The following RASEF variants were observed in gnomAD, a reference collection of about 807,000 sequenced individuals.
RASEF encodes the protein RAS and EF-hand domain containing, also known as ras and EF-hand domain-containing protein.
In RASEF, 68 loss-of-function variants were observed where a neutral mutation model predicts 90.1. The observed-to-expected ratio is 0.75, with a 90% CI of 0.62 to 0.92. The LOEUF (loss-of-function observed/expected upper bound fraction) is 0.92. RASEF is among the 40% of genes least tolerant of loss of function. The pLI, the probability that RASEF is intolerant of heterozygous loss-of-function variation, is 0.00. For missense variants in RASEF, 949 were observed against 937.2 expected (o/e 1.01, Z -0.16); for synonymous variants, 331 against 345.2 (o/e 0.96, Z 0.46).
At chr9:83,111,945 AAG>A in the RASEF span, among the ~76,000 whole-genome samples, 1 of 152,034 alleles carries the variant, frequency 6.6e-6, no homozygotes, top group Non-Finnish European at 1.5e-5. Flanking sequence ...TCTCTATACT[AAG>A]AGCTCTTAAA....
At chr9:83,127,290 A>G in the RASEF span, among the ~76,000 whole-genome samples, 1 of 152,214 alleles carries the variant, frequency 6.6e-6, no homozygotes, top group African/African-American at 2.4e-5. Flanking sequence ...ATACAAGATG[A>G]TTGGTTGCCT....
At chr9:83,191,036 G>A in the RASEF span, among the ~76,000 whole-genome samples, 4 of 152,130 alleles carry the variant, frequency 2.6e-5, no homozygotes, top group African/African-American at 9.7e-5. Context: ...CATCTTTAGA[G>A]ACATTCTTAC....
the RASEF span, among the ~76,000 whole-genome samples, chr9:83,127,642 AAG>A: frequency 6.6e-6 from 1 of 152,182 alleles, no homozygotes; most frequent in Non-Finnish European, 1.5e-5. Flanking sequence ...GGGAGCAAGA[AAG>A]AGAGTTTTAT....
At chr9:83,193,988 T>A in the RASEF span, among the ~76,000 whole-genome samples, 2 of 152,204 alleles carry the variant, frequency 1.3e-5, no homozygotes, top group Non-Finnish European at 2.9e-5. Flanking sequence ...AATAAACTTT[T>A]TCTTACAGAA....
chr9:83,143,704 G>T, the RASEF span, among the ~76,000 whole-genome samples: 2 of 152,178 alleles, frequency 1.3e-5, no homozygotes, highest in Non-Finnish European at 2.9e-5. Context: ...AGACACTGTT[G>T]ATAAGAATGT....
intron 1 of RASEF, among the ~76,000 whole-genome samples, chr9:83,030,541 G>T (rs143476706): frequency 1.9e-3 from 282 of 152,304 alleles, no homozygotes; most frequent in African/African-American, 6.6e-3. Flanking sequence ...TCATTACAGA[G>T]AATTTCAAAA....
the RASEF span, among the ~76,000 whole-genome samples, chr9:83,136,502 C>T: frequency 6.6e-6 from 1 of 152,042 alleles, no homozygotes; most frequent in Non-Finnish European, 1.5e-5. Flanking sequence ...ATTATTAGCT[C>T]TTATTACAAA....
At chr9:83,197,630 C>T in the RASEF span, among the ~76,000 whole-genome samples, 1 of 152,148 alleles carries the variant, frequency 6.6e-6, no homozygotes, top group Admixed American at 6.5e-5. Context: ...CCACAGATGC[C>T]ACGAGTACTC....
chr9:83,064,560 T>G (rs994871388), upstream of RASEF, among the ~76,000 whole-genome samples: 1 of 152,220 alleles, frequency 6.6e-6, no homozygotes, highest in South Asian at 2.1e-4. Flanking sequence ...TATTATTATA[T>G]TTATACTGTT....
the RASEF span, among the ~76,000 whole-genome samples, chr9:83,076,754 T>C: frequency 6.6e-6 from 1 of 152,180 alleles, no homozygotes; most frequent in African/African-American, 2.4e-5. Context: ...TACAAAAACC[T>C]CAGCTTTTAC....
chr9:83,137,138 A>G, the RASEF span, among the ~76,000 whole-genome samples: 4 of 152,244 alleles, frequency 2.6e-5, no homozygotes, highest in African/African-American at 9.6e-5. Flanking sequence ...AATGTCTGTA[A>G]TAGCCTATAT....
the RASEF span, among the ~76,000 whole-genome samples, chr9:83,181,622 A>G: frequency 1.6e-4 from 25 of 152,286 alleles, no homozygotes; most frequent in South Asian, 4.8e-3. Context: ...AATTCAGTCA[A>G]TTGTGAAGCA....
intron 1 of RASEF, among the ~76,000 whole-genome samples, chr9:83,026,329 T>C (rs1829548033): frequency 6.6e-6 from 1 of 152,180 alleles, no homozygotes; most frequent in Non-Finnish European, 1.5e-5. Context: ...TAGTCCATTT[T>C]CACACTGCTA....
chr9:82,992,801 G>A (rs763002446), intron 15 of RASEF, 105 bp downstream of exon 15: 368 of 1,242,476 alleles, frequency 3.0e-4, no homozygotes, highest in Non-Finnish European at 4.0e-4. Context: ...GGGGAGGTTT[G>A]TCAAAGGACC....
At chr9:82,997,552 G>A (rs534335039) in intron 13 of RASEF, among the ~76,000 whole-genome samples, 17 of 152,262 alleles carry the variant, frequency 1.1e-4, no homozygotes, top group African/African-American at 3.9e-4. Flanking sequence ...GTGGATGGAG[G>A]AACTACCAGT....
chr9:83,108,333 G>C, the RASEF span, among the ~76,000 whole-genome samples: 2 of 152,156 alleles, frequency 1.3e-5, no homozygotes, highest in Non-Finnish European at 2.9e-5. Flanking sequence ...GAGCACTTAA[G>C]CCAGAAGTCA....
chr9:83,009,826 G>A, intron 5 of RASEF, 70 bp from the exon 6 acceptor site: 1 of 895,456 alleles, frequency 1.1e-6, no homozygotes, highest in Non-Finnish European at 1.8e-6. Flanking sequence ...GAAGTAAAGT[G>A]TCCTGTCACC....
At chr9:83,186,436 C>G in the RASEF span, among the ~76,000 whole-genome samples, 1 of 152,114 alleles carries the variant, frequency 6.6e-6, no homozygotes. Flanking sequence ...ATTCCCTGTT[C>G]TGCGTTATCT....
chr9:83,098,924 A>C, the RASEF span, among the ~76,000 whole-genome samples: 3 of 152,178 alleles, frequency 2.0e-5, no homozygotes, highest in Non-Finnish European at 2.9e-5. Flanking sequence ...GAGCCAAACC[A>C]TATCAGATGG....
Sources: gnomAD v4.1 joint callset for allele counts (sites outside exome capture counted in the v4.1 genomes callset) on GRCh38, gnomAD v4.1.1 for gene constraint, MANE v1.5 for transcripts, NCBI Gene and HGNC (gene_info 2026-07-23, HGNC 2026-07-21) for gene names.